PSD3: variants seen among roughly 807,000 people sequenced by gnomAD.
PSD3 encodes the protein pleckstrin and Sec7 domain containing 3, also known as PH and SEC7 domain-containing protein 3.
In PSD3, 49 loss-of-function variants were observed where a neutral mutation model predicts 105.5. The ratio of observed to expected loss-of-function variants is 0.46; its 90% CI spans 0.37 to 0.59. The LOEUF (loss-of-function observed/expected upper bound fraction) is 0.59, where lower values mean the gene tolerates loss of function less well. PSD3 is among the 20% of genes least tolerant of loss of function. PSD3 has a pLI of 0.00. For synonymous variants in PSD3, 557 were observed against 457.8 expected (o/e 1.22, Z -2.77); for missense variants, 1,561 against 1,263.8 (o/e 1.24, Z -3.57).
intron 9 of PSD3, among the ~76,000 whole-genome samples, chr8:18,682,797 G>C (rs981476707): frequency 6.6e-6 from 1 of 152,018 alleles, no homozygotes; most frequent in Non-Finnish European, 1.5e-5. Context: ...AGCAGAGGAG[G>C]AGGGCAGTGG....
chr8:18,877,728 G>A (rs938768400), intron 2 of PSD3, among the ~76,000 whole-genome samples: 5 of 151,656 alleles, frequency 3.3e-5, no homozygotes, highest in Admixed American at 3.3e-4. Context: ...TTTTTTAAGA[G>A]ACAGGGTCTC....
intron 1 of PSD3, among the ~76,000 whole-genome samples, chr8:19,065,734 T>G (rs77452207): frequency 0.02 from 3,112 of 152,272 alleles, 174 homozygotes; most frequent in East Asian, 0.18. Context: ...TATCCAGAAG[T>G]TGCTCAAGCC....
At chr8:18,821,889 C>CACAA (rs1812771090) in intron 4 of PSD3, among the ~76,000 whole-genome samples, 13 of 151,866 alleles carry the variant, frequency 8.6e-5, no homozygotes, top group Admixed American at 7.2e-4. Flanking sequence ...CACACACACA[C>CACAA]ACACACACAC....
chr8:19,065,717 G>A (rs561777628), intron 1 of PSD3, among the ~76,000 whole-genome samples: 2 of 152,162 alleles, frequency 1.3e-5, no homozygotes, highest in Non-Finnish European at 2.9e-5. Flanking sequence ...ACCTCCATGG[G>A]TTCAGCTATC....
intron 3 of PSD3, 113 bp downstream of exon 3, chr8:18,871,513 T>G: frequency 7.3e-7 from 1 of 1,362,890 alleles, no homozygotes; most frequent in East Asian, 2.3e-5. Flanking sequence ...TTATATTCCA[T>G]GATAACAAGA....
At chr8:18,851,281 G>A (rs904644713) in intron 4 of PSD3, among the ~76,000 whole-genome samples, 9 of 152,170 alleles carry the variant, frequency 5.9e-5, no homozygotes, top group African/African-American at 2.2e-4. Flanking sequence ...CAACAAGGCC[G>A]GAAGTTGAGC....
intron 11 of PSD3, among the ~76,000 whole-genome samples, chr8:18,632,227 G>A (rs1806952193): frequency 6.6e-6 from 1 of 152,002 alleles, no homozygotes; most frequent in South Asian, 2.1e-4. Context: ...TCTATGCGTT[G>A]CAAATTCAAC....
At chr8:18,978,176 T>C (rs768671774) in intron 1 of PSD3, among the ~76,000 whole-genome samples, 15 of 152,170 alleles carry the variant, frequency 9.9e-5, no homozygotes, top group Non-Finnish European at 1.8e-4. Context: ...AGAGCTGAAG[T>C]TTGCTGAAAA....
chr8:18,905,287 T>G (rs766927887), intron 2 of PSD3, among the ~76,000 whole-genome samples: 11 of 152,168 alleles, frequency 7.2e-5, no homozygotes, highest in Non-Finnish European at 1.5e-4. Context: ...TCAATGAAGC[T>G]CTCCATGCCT....
At chr8:18,965,853 A>T (rs777228111) in intron 1 of PSD3, among the ~76,000 whole-genome samples, 1 of 152,266 alleles carries the variant, frequency 6.6e-6, no homozygotes, top group Non-Finnish European at 1.5e-5. Flanking sequence ...AAATGGACAC[A>T]TAACAGCAGC....
At chr8:18,737,135 T>C (rs1585779848) in intron 9 of PSD3, among the ~76,000 whole-genome samples, 1 of 152,236 alleles carries the variant, frequency 6.6e-6, no homozygotes, top group East Asian at 1.9e-4. Flanking sequence ...CAGAACTTTC[T>C]GGGGATAGAG....
rs182472149 is a variant in PSD3, at chr8:18,759,677, T to C, written c.2172+5772A>G. ...AATGGGAAAGTGGGATAGAAAACAA[T>C]TGGGTTCATGTCATATCAAAATCTA... On this transcript the variant is annotated intron_variant, in intron 9 of 15. Transcript: ENST00000327040. Among the ~76,000 whole-genome samples the C allele has an allele frequency of 6.1e-3, 926 of 152,166 alleles. 9 individuals are homozygous for C. Among genetic ancestry groups the C allele is most frequent in the Non-Finnish European group, 7.0e-3 (476 of 67,976 alleles).
intron 11 of PSD3, among the ~76,000 whole-genome samples, chr8:18,602,169 A>C (rs1212388710): frequency 1.3e-5 from 2 of 152,156 alleles, no homozygotes; most frequent in African/African-American, 4.8e-5. Flanking sequence ...AAACTAATTT[A>C]TTGGCATCTT....
chr8:19,044,677 C>T (rs561814888), intron 1 of PSD3, among the ~76,000 whole-genome samples: 47 of 152,166 alleles, frequency 3.1e-4, no homozygotes, highest in Middle Eastern at 3.4e-3. Flanking sequence ...ATGAGAACAA[C>T]GACATACAAA....
At chr8:18,863,537 G>T (rs997277766) in intron 4 of PSD3, among the ~76,000 whole-genome samples, 2 of 152,130 alleles carry the variant, frequency 1.3e-5, no homozygotes, top group Admixed American at 6.5e-5. Flanking sequence ...TCATCAACAG[G>T]CAGGCAGAGC....
At position 18,804,446 on chromosome 8, in the gene PSD3, C is replaced by T. The variant is rs576448766; in HGVS notation, c.1910+76G>A. On this transcript the variant is annotated intron_variant, in intron 6 of 15. Coordinates refer to ENST00000327040, the MANE Select transcript of PSD3 (RefSeq NM_015310.4). ...TTAAAAAAAAAAAATAAGATTCTAG[C>T]TAGAAGACATTACTTTCTTCTCTAA... 7.1e-6 allele frequency: 9 copies of T among 1,262,040 alleles called. No individual in the cohort carries two copies. The South Asian group carries it at 1.1e-4, about 15-fold the overall frequency. The allele number at this position is 1,262,040 out of a possible 1,614,324, so 78.2% of individuals were successfully genotyped here.
In PSD3 at chr8:18,804,514, A is replaced by C. The variant is rs201849772; in HGVS notation, c.1910+8T>G. The C allele has an allele frequency of 1.0e-3, 1,586 of 1,590,820 alleles. 5 individuals carry two copies. The highest frequency in any genetic ancestry group is 6.3e-3 in the Middle Eastern group (38 of 6,016). On this transcript the variant is annotated splice_region_variant and intron_variant, in intron 6 of 15. Coordinates refer to ENST00000327040, the MANE Select transcript of PSD3 (RefSeq NM_015310.4). ...GCAATGACGAGCAGCAAGGAGGCTT[A>C]GTCATACCTGAGTGACTGATCCAGC... is the stretch of plus-strand genomic sequence containing the variant.
intron 1 of PSD3, among the ~76,000 whole-genome samples, chr8:18,946,764 G>T (rs1362962701): frequency 2.0e-5 from 3 of 151,488 alleles, no homozygotes; most frequent in African/African-American, 7.3e-5. Context: ...AGTTAGCTAG[G>T]TGCTGGGGGG....
intron 1 of PSD3, among the ~76,000 whole-genome samples, chr8:19,034,904 C>T (rs76530313): frequency 0.024 from 3,641 of 152,122 alleles, 164 homozygotes; most frequent in African/African-American, 0.083. Flanking sequence ...ATCCCCTCTC[C>T]TCACAGACTA....
Sources: allele counts gnomAD v4.1 joint callset (sites outside exome capture counted in the v4.1 genomes callset), GRCh38; gene constraint gnomAD v4.1.1; transcripts MANE v1.5; gene names NCBI Gene and HGNC (gene_info 2026-07-23, HGNC 2026-07-21).